The following ROBO1 variants were observed in gnomAD, a reference collection of about 807,000 sequenced individuals.
The protein encoded by ROBO1 is roundabout guidance receptor 1.
A neutral mutation model predicts 195.9 loss-of-function variants in ROBO1; 149 were observed. The observed-to-expected ratio is 0.76, with a 90% confidence interval of 0.67 to 0.87. The LOEUF is 0.87. ROBO1 is among the 40% of genes least tolerant of loss of function. The pLI is 0.00. For missense variants in ROBO1, 1,933 were observed against 2,068.3 expected, an observed-to-expected ratio of 0.93 and a Z score of 1.27; for synonymous variants, 816 against 733.2, an observed-to-expected ratio of 1.11 and a Z score of -1.82.
chr3:79,393,741 C>T (rs1663694474), intron 2 of ROBO1, among the ~76,000 whole-genome samples: 2 of 152,024 alleles, frequency 1.3e-5, no homozygotes, highest in African/African-American at 4.8e-5. Context: ...TTATAAAGAG[C>T]ATGTCTTTAT....
chr3:78,675,620 G>A (rs558661824), intron 10 of ROBO1, among the ~76,000 whole-genome samples: 1 of 152,112 alleles, frequency 6.6e-6, no homozygotes, highest in African/African-American at 2.4e-5. Flanking sequence ...GGGGGAGGGG[G>A]GCCTGCCATT....
At chr3:78,656,121 GT>G (rs780973363) in intron 18 of ROBO1, among the ~76,000 whole-genome samples, 8 of 147,850 alleles carry the variant, frequency 5.4e-5, no homozygotes, top group East Asian at 2.0e-4. Context: ...TTTGATGTTA[GT>G]TTTTTTTTTA....
chr3:79,228,984 T>C (rs376493124), intron 2 of ROBO1, among the ~76,000 whole-genome samples: 4 of 152,160 alleles, frequency 2.6e-5, no homozygotes, highest in African/African-American at 9.6e-5. Flanking sequence ...ACAGTAAAGA[T>C]GGTCTAGTTA....
intron 2 of ROBO1, among the ~76,000 whole-genome samples, chr3:79,215,756 C>CAAACGAT: frequency 6.6e-6 from 1 of 152,204 alleles, no homozygotes; most frequent in Admixed American, 6.5e-5. Flanking sequence ...TTTGGTAACA[C>CAAACGAT]TTATTACAAT....
intron 21 of ROBO1, among the ~76,000 whole-genome samples, chr3:78,643,272 G>A (rs183359286): frequency 3.9e-5 from 6 of 152,274 alleles, no homozygotes; most frequent in African/African-American, 1.4e-4. Context: ...AAACAAATGA[G>A]CCTAGCTGTA....
chr3:79,026,250 T>A (rs945334966), intron 3 of ROBO1, among the ~76,000 whole-genome samples: 1 of 151,990 alleles, frequency 6.6e-6, no homozygotes, highest in Non-Finnish European at 1.5e-5. Flanking sequence ...CAGGAAAAAA[T>A]ATTATTCGGT....
chr3:78,949,396 A>C (rs2107762049), intron 3 of ROBO1, among the ~76,000 whole-genome samples: 1 of 145,106 alleles, frequency 6.9e-6, no homozygotes. Flanking sequence ...ACCTGACAAA[A>C]ACAAGCAATG....
At chr3:79,087,362 G>T (rs761810190) in intron 3 of ROBO1, among the ~76,000 whole-genome samples, 2 of 151,988 alleles carry the variant, frequency 1.3e-5, no homozygotes, top group Non-Finnish European at 2.9e-5. Context: ...TTTCAAAATT[G>T]TTAAAATTTC....
rs539570735 is a variant in ROBO1, at chr3:78,868,432, A to G, written c.499+70169T>C. Among the ~76,000 whole-genome samples, 9 of 152,256 alleles carry G rather than the reference A, an allele frequency of 5.9e-5. No homozygotes were observed. In the South Asian group the frequency reaches 6.2e-4, roughly 11 times the overall value. ...ACATTACCCAATACCCTACTTAAAT[A>G]ATAACAGAAATAAATTTAATATGTG... On this transcript the variant is annotated intron_variant, in intron 4 of 30. Coordinates refer to ENST00000464233, the MANE Select transcript of ROBO1 (RefSeq NM_002941.4).
chr3:78,943,704 C>A (rs758030441), intron 3 of ROBO1, among the ~76,000 whole-genome samples: 1 of 151,914 alleles, frequency 6.6e-6, no homozygotes, highest in Non-Finnish European at 1.5e-5. Flanking sequence ...GCAGAATATC[C>A]CACTGAACTT....
intron 4 of ROBO1, among the ~76,000 whole-genome samples, chr3:78,849,727 T>A (rs1240285599): frequency 6.6e-6 from 1 of 151,882 alleles, no homozygotes; most frequent in Non-Finnish European, 1.5e-5. Context: ...CGGAGTAACA[T>A]CTAACCTTTA....
Position 79,334,829 on chromosome 3 carries a change from G to A in ROBO1, c.89-209290C>T, listed in dbSNP as rs2034599546. 3.9e-5 allele frequency among the ~76,000 whole-genome samples: 6 copies of A among 152,058 alleles called. 1 individual carries two copies. In the South Asian group the frequency reaches 1.2e-3, roughly 32 times the overall value. ...GTTAAAGGAAATATATTTTAGGCTGGATGTGGTGGCTCATGCCTATAATCC... is the reference window on the plus strand; with the variant it reads ...GTTAAAGGAAATATATTTTAGGCTGAATGTGGTGGCTCATGCCTATAATCC... On this transcript the variant is annotated intron_variant, in intron 2 of 30. Transcript: ENST00000464233.
At chr3:79,642,367 T>C (rs975945423) in intron 1 of ROBO1, among the ~76,000 whole-genome samples, 2 of 152,096 alleles carry the variant, frequency 1.3e-5, no homozygotes, top group African/African-American at 2.4e-5. Flanking sequence ...TTCAAGGAAA[T>C]GGTAACAGAA....
intron 4 of ROBO1, among the ~76,000 whole-genome samples, chr3:78,870,753 T>C (rs1187744567): frequency 2.0e-5 from 3 of 152,276 alleles, no homozygotes; most frequent in East Asian, 1.9e-4. Flanking sequence ...CACAAGGCTT[T>C]TGAGGTAATT....
At chr3:79,364,701 AC>A (rs1469018786) in intron 2 of ROBO1, among the ~76,000 whole-genome samples, 1 of 152,188 alleles carries the variant, frequency 6.6e-6, no homozygotes, top group Non-Finnish European at 1.5e-5. Flanking sequence ...CCTTTGTGGT[AC>A]GTTTTTATAA....
At chr3:79,669,276 A>G (rs1946563367) in intron 1 of ROBO1, among the ~76,000 whole-genome samples, 1 of 151,678 alleles carries the variant, frequency 6.6e-6, no homozygotes, top group South Asian at 2.1e-4. Context: ...GTGACTTGCT[A>G]CTGCTTGCCT....
chr3:79,570,103 C>G (rs1243177325), intron 2 of ROBO1, among the ~76,000 whole-genome samples: 1 of 151,744 alleles, frequency 6.6e-6, no homozygotes, highest in African/African-American at 2.4e-5. Flanking sequence ...CTATGTTAAA[C>G]ACAAACAAAA....
intron 3 of ROBO1, among the ~76,000 whole-genome samples, chr3:78,970,965 C>T (rs2076752266): frequency 6.6e-6 from 1 of 150,620 alleles, no homozygotes; most frequent in African/African-American, 2.4e-5. Context: ...TCATATGTGG[C>T]AACAACAGAA....
intron 2 of ROBO1, among the ~76,000 whole-genome samples, chr3:79,536,567 A>G (rs2107628159): frequency 6.6e-6 from 1 of 152,288 alleles, no homozygotes; most frequent in Middle Eastern, 3.4e-3. Context: ...AGATGTTTAG[A>G]AGAATTTTTC....
Sources: gnomAD v4.1 joint callset for allele counts (sites outside exome capture counted in the v4.1 genomes callset) on GRCh38, gnomAD v4.1.1 for gene constraint, MANE v1.5 for transcripts, NCBI Gene and HGNC (gene_info 2026-07-23, HGNC 2026-07-21) for gene names.